AGBL4: variants seen among roughly 807,000 people sequenced by gnomAD.
AGBL4 encodes cytosolic carboxypeptidase 6.
In AGBL4, 58 loss-of-function variants were observed where a neutral mutation model predicts 66.4. The ratio of observed to expected loss-of-function variants is 0.87; its 90% CI spans 0.71 to 1.09. AGBL4 has a LOEUF of 1.09. AGBL4 is among the 50% of genes least tolerant of loss of function. The pLI, the probability that AGBL4 is intolerant of heterozygous loss-of-function variation, is 0.00. For synonymous variants in AGBL4, 234 were observed against 222.9 expected (o/e 1.05, Z -0.44); for missense variants, 579 against 631.0 (o/e 0.92, Z 0.88).
intron 3 of AGBL4, among the ~76,000 whole-genome samples, chr1:49,284,227 T>A (rs1227453059): frequency 6.6e-6 from 1 of 152,082 alleles, no homozygotes; most frequent in Admixed American, 6.6e-5. Context: ...TCAACATTCT[T>A]AAAGAAAATA....
chr1:49,500,519 A>G (rs1223124412), intron 3 of AGBL4, among the ~76,000 whole-genome samples: 1 of 151,666 alleles, frequency 6.6e-6, no homozygotes, highest in Non-Finnish European at 1.5e-5. Context: ...CACATCTTAG[A>G]TTTAAGTTTT....
At chr1:49,289,203 A>G (rs1644488436) in intron 3 of AGBL4, among the ~76,000 whole-genome samples, 2 of 152,220 alleles carry the variant, frequency 1.3e-5, no homozygotes, top group South Asian at 4.1e-4. Context: ...AAATTACAGA[A>G]TTAAAAATAT....
At chr1:49,755,052 A>G (rs1651788044) in intron 2 of AGBL4, among the ~76,000 whole-genome samples, 1 of 152,166 alleles carries the variant, frequency 6.6e-6, no homozygotes, top group Non-Finnish European at 1.5e-5. Context: ...TGTGAATTTT[A>G]CCTAAAAATA....
At chr1:49,874,647 T>C (rs1481092375) in intron 1 of AGBL4, among the ~76,000 whole-genome samples, 1 of 152,104 alleles carries the variant, frequency 6.6e-6, no homozygotes, top group Non-Finnish European at 1.5e-5. Flanking sequence ...CTCTTAATCA[T>C]CTTAGTTGCT....
At chr1:49,560,811 T>C (rs1430191136) in intron 3 of AGBL4, among the ~76,000 whole-genome samples, 1 of 152,028 alleles carries the variant, frequency 6.6e-6, no homozygotes, top group African/African-American at 2.4e-5. Flanking sequence ...ATGATTTACC[T>C]AAAGTCCTAA....
chr1:49,445,893 C>T (rs1646144287), intron 3 of AGBL4, among the ~76,000 whole-genome samples: 1 of 151,766 alleles, frequency 6.6e-6, no homozygotes, highest in Non-Finnish European at 1.5e-5. Context: ...ACTCTGTCAC[C>T]CAGGCTAAAG....
chr1:50,012,165 CAAA>C (rs34501869), intron 1 of AGBL4, among the ~76,000 whole-genome samples: 1 of 47,772 alleles, frequency 2.1e-5, no homozygotes, highest in Non-Finnish European at 4.6e-5. Context: ...GACTCCGTCT[CAAA>C]AAAAAAAAAA....
At chr1:49,372,739 CTCTT>C (rs1160020530) in intron 3 of AGBL4, among the ~76,000 whole-genome samples, 15 of 145,208 alleles carry the variant, frequency 1.0e-4, no homozygotes, top group African/African-American at 3.3e-4. Context: ...TTCCCTCTCT[CTCTT>C]CTCTCTCTCT....
chr1:48,774,361 G>T (rs1402894237), intron 6 of AGBL4, among the ~76,000 whole-genome samples: 1 of 152,104 alleles, frequency 6.6e-6, no homozygotes, highest in Non-Finnish European at 1.5e-5. Flanking sequence ...GTTATTCCAG[G>T]GTAATGAATT....
At chr1:48,738,470 G>T (rs1481834480) in intron 6 of AGBL4, among the ~76,000 whole-genome samples, 1 of 152,176 alleles carries the variant, frequency 6.6e-6, no homozygotes, top group Non-Finnish European at 1.5e-5. Context: ...TCCGCAGTTC[G>T]AACTGCAGGT....
chr1:49,755,118 A>G (rs773254730), intron 2 of AGBL4, among the ~76,000 whole-genome samples: 1 of 152,198 alleles, frequency 6.6e-6, no homozygotes, highest in Non-Finnish European at 1.5e-5. Context: ...ACCAGGGCCT[A>G]GCCAAGTTGA....
chr1:49,791,553 C>T lies in AGBL4; in HGVS notation c.157+59843G>A, dbSNP rs140801018. On this transcript the variant is annotated intron_variant, in intron 2 of 13. Coordinates refer to ENST00000371839, the MANE Select transcript of AGBL4 (RefSeq NM_032785.4). ...ACCCTTTACTATGGTCTATGAGACA[C>T]TACATAATCTAATCCTTGTCTATCT... Among the ~76,000 whole-genome samples, 814 of 152,144 alleles carry T rather than the reference C, an allele frequency of 5.4e-3. 6 individuals are homozygous for T. The highest frequency in any genetic ancestry group is 0.017 in the Middle Eastern group (5 of 294).
chr1:49,332,764 A>G (rs969150493), intron 3 of AGBL4, among the ~76,000 whole-genome samples: 2 of 152,222 alleles, frequency 1.3e-5, no homozygotes, highest in South Asian at 2.1e-4. Flanking sequence ...TTATTTAACT[A>G]TACATACGTA....
intron 6 of AGBL4, among the ~76,000 whole-genome samples, chr1:48,750,559 T>C (rs565523604): frequency 1.3e-5 from 2 of 152,194 alleles, no homozygotes; most frequent in African/African-American, 4.8e-5. Context: ...TCACCCTGCA[T>C]CCCAACTGTC....
chr1:49,362,367 T>C (rs1412072205), intron 3 of AGBL4, among the ~76,000 whole-genome samples: 1 of 151,080 alleles, frequency 6.6e-6, no homozygotes, highest in Non-Finnish European at 1.5e-5. Context: ...TTCCCATATA[T>C]TTCCAAGCTC....
chr1:49,517,517 A>C (rs1447102991), intron 3 of AGBL4, among the ~76,000 whole-genome samples: 1 of 151,960 alleles, frequency 6.6e-6, no homozygotes, highest in Non-Finnish European at 1.5e-5. Context: ...CATGAAGACA[A>C]AGGAGAATGA....
chr1:49,864,776 CTGGAGAAATGGG>C (rs1039234108), intron 1 of AGBL4, among the ~76,000 whole-genome samples: 1 of 152,286 alleles, frequency 6.6e-6, no homozygotes, highest in Non-Finnish European at 1.5e-5. Context: ...TATCAAGTTC[CTGGAGAAATGGG>C]TGGCTGACAT....
At chr1:48,769,119 C>A (rs957665910) in intron 6 of AGBL4, among the ~76,000 whole-genome samples, 1 of 152,216 alleles carries the variant, frequency 6.6e-6, no homozygotes, top group Admixed American at 6.5e-5. Context: ...ACAGATCCAT[C>A]CAGCTATGTG....
intron 5 of AGBL4, among the ~76,000 whole-genome samples, chr1:48,876,515 G>T (rs1166625159): frequency 6.6e-6 from 1 of 152,146 alleles, no homozygotes; most frequent in Non-Finnish European, 1.5e-5. Flanking sequence ...GGACCTGCAA[G>T]AAGAGACTGG....
Sources: allele counts gnomAD v4.1 joint callset (sites outside exome capture counted in the v4.1 genomes callset), GRCh38; gene constraint gnomAD v4.1.1; transcripts MANE v1.5; gene names NCBI Gene and HGNC (gene_info 2026-07-23, HGNC 2026-07-21).